The following MED14 variants were observed in gnomAD, a reference collection of about 807,000 sequenced individuals.
MED14 encodes the protein mediator of RNA polymerase II transcription subunit 14.
Under a neutral mutation model 109.0 loss-of-function variants are expected in MED14, and 8 were observed. That is an observed-to-expected ratio of 0.07 (90% CI 0.04 to 0.13). The LOEUF is 0.13. Ranked by LOEUF, MED14 falls within the 10% of genes least tolerant of loss-of-function variation. The probability of loss-of-function intolerance (pLI) is 1.00; values close to 1 mark genes in which losing one functional copy is unlikely to be tolerated. For synonymous variants in MED14, 399 were observed against 408.7 expected (o/e 0.98, Z 0.29); for missense variants, 711 against 1,142.4 (o/e 0.62, Z 5.44).
intron 1 of MED14, among the ~76,000 whole-genome samples, chrX:40,734,504 A>T (rs775884469): frequency 9.5e-4 from 107 of 112,723 alleles, no homozygotes; most frequent in Non-Finnish European, 1.6e-3. Flanking sequence ...CTGGGTTATA[A>T]GATGTACAAC....
chrX:40,677,069 G>C lies in MED14; in HGVS notation c.2881-1708C>G, dbSNP rs759428453. Among the ~76,000 whole-genome samples, 3 of 111,802 alleles carry C rather than the reference G, an allele frequency of 2.7e-5. No homozygotes were observed. The East Asian group carries it at 8.4e-4, about 31-fold the overall frequency. ...ATCCTCTGCTATTCTCACTGAGCTC[G>C]GTTATCTCTTCCACCATGGAGGAGG... On this transcript the variant is annotated intron_variant, in intron 21 of 30. Transcript: ENST00000324817.
intron 21 of MED14, among the ~76,000 whole-genome samples, chrX:40,679,374 G>A (rs1930029093): frequency 9.0e-6 from 1 of 111,183 alleles, no homozygotes; most frequent in Admixed American, 9.5e-5. Context: ...AGGTGTGGTG[G>A]TGCATGCCTA....
chrX:40,734,469 A>C (rs1434845022), intron 1 of MED14, among the ~76,000 whole-genome samples: 1 of 112,516 alleles, frequency 8.9e-6, no homozygotes, highest in Non-Finnish European at 1.9e-5. Context: ...ATAAAAAATA[A>C]AATTCTGATT....
At chrX:40,673,676 C>T (rs902899969) in intron 22 of MED14, among the ~76,000 whole-genome samples, 24 of 109,571 alleles carry the variant, frequency 2.2e-4, no homozygotes, top group African/African-American at 7.7e-4. Context: ...GAGAAACCCC[C>T]TCTCTACTAA....
intron 20 of MED14, 78 bp downstream of exon 20, chrX:40,680,680 A>G: frequency 1.1e-6 from 1 of 891,650 alleles, no homozygotes; most frequent in South Asian, 2.7e-5. Context: ...GGCCTCCCAA[A>G]GGGTTGGGAT....
At chrX:40,693,369 C>A (rs1308392199) in intron 13 of MED14, among the ~76,000 whole-genome samples, 1 of 110,974 alleles carries the variant, frequency 9.0e-6, no homozygotes, top group Non-Finnish European at 1.9e-5. Flanking sequence ...CTGTGATGTT[C>A]TTGTAATAGT....
At chrX:40,698,802 A>C (rs1163762851) in intron 12 of MED14, among the ~76,000 whole-genome samples, 4 of 112,358 alleles carry the variant, frequency 3.6e-5, no homozygotes, top group African/African-American at 1.3e-4. Context: ...AAATTCTCGC[A>C]ACATTACTGA....
intron 3 of MED14, among the ~76,000 whole-genome samples, chrX:40,721,607 C>T (rs1342551070): frequency 8.9e-6 from 1 of 112,941 alleles, no homozygotes; most frequent in Non-Finnish European, 1.9e-5. Context: ...GGCTTCGCCA[C>T]CTGCTGATCA....
rs376641752 is a variant in MED14 at position 40,682,735 on chromosome X, C to T, written c.2233G>A (p.Val745Ile). Reference protein sequence around the residue: ...STREQGPSRHVYLTYENLLSE... With the variant: ...STREQGPSRHIYLTYENLLSE... ...AACAGATTTTCATATGTCAGGTAAA[C>T]GTGCCGGGATGGTCCTACAGGATTA... is the stretch of plus-strand genomic sequence containing the variant. The change falls in exon 18 of 31, where the codon GTT becomes ATT. Residue 745 changes from valine (V) to isoleucine (I), a missense_variant. Transcript: ENST00000324817. 5 of 1,205,863 alleles carry T rather than the reference C, an allele frequency of 4.1e-6. No individual in the cohort carries two copies. Among genetic ancestry groups the T allele is most frequent in the South Asian group, 1.8e-5 (1 of 56,443 alleles).
chrX:40,654,693 T>A (rs1928994997), intron 29 of MED14, 137 bp from the exon 30 acceptor site: 1 of 722,083 alleles, frequency 1.4e-6, no homozygotes, highest in Non-Finnish European at 2.0e-6. Context: ...ACAAGAAAAG[T>A]GACAAACAAC....
Position 40,692,015 on chromosome X carries a change from T to TACATG in MED14, c.1980+163_1980+167dup, listed in dbSNP as rs748559968. Among the ~76,000 whole-genome samples, 5 of 111,553 alleles carry TACATG rather than the reference T, an allele frequency of 4.5e-5. No homozygotes were observed. In the East Asian group the frequency reaches 1.4e-3, roughly 31 times the overall value. The stretch of plus-strand genomic sequence containing the variant: ...AGATGAAATAATTCAAGTCATGTTT[T>TACATG]ACATGTATACCATTAGATGCTATGA... On this transcript the variant is annotated intron_variant, in intron 15 of 30. Transcript: ENST00000324817.
At chrX:40,722,476 C>T (rs1487000161) in intron 3 of MED14, among the ~76,000 whole-genome samples, 1 of 111,420 alleles carries the variant, frequency 9.0e-6, no homozygotes, top group Admixed American at 9.6e-5. Flanking sequence ...ATTTAGAAAA[C>T]AGCCTCAAAA....
intron 3 of MED14, 178 bp from the exon 4 acceptor site, chrX:40,714,888 G>A (rs1203239309): frequency 1.5e-5 from 6 of 389,640 alleles, no homozygotes; most frequent in African/African-American, 7.7e-5. Flanking sequence ...TAATACACTA[G>A]TATTTGATAT....
intron 10 of MED14, among the ~76,000 whole-genome samples, chrX:40,707,165 G>A (rs1931183148): frequency 9.0e-6 from 1 of 111,065 alleles, no homozygotes; most frequent in African/African-American, 3.3e-5. Context: ...ACCAGCCTGG[G>A]CAACACAGTG....
chrX:40,710,103 C>T lies in MED14; in HGVS notation c.1049G>A (p.Gly350Glu). 1 of 1,175,427 alleles carries T rather than the reference C, an allele frequency of 8.5e-7. No homozygotes were observed. The highest frequency in any genetic ancestry group is 2.4e-4 in the Middle Eastern group (1 of 4,200). The change falls in exon 9 of 31, where the codon GGA (glycine) becomes GAA (glutamate). Residue 350 changes from glycine (G) to glutamate (E), a missense_variant. Gly to Glu is a moderately conservative substitution (Grantham distance 98). Around this residue, in one of 8 missense-constraint regions of MED14, gnomAD observed 388 missense variants for 517.3 expected, o/e 0.75. Coordinates refer to ENST00000324817, the MANE Select transcript of MED14 (RefSeq NM_004229.4). The part of the protein sequence containing the change: ...WNQQVLGRKT[G>E]TASVHKVTIK... ...TGTAACTTTGTGAACAGATGCTGTT[C>T]CAGTTTTTCTCCCAAGAACCTGTTG... is the stretch of plus-strand genomic sequence containing the variant.
intron 1 of MED14, among the ~76,000 whole-genome samples, chrX:40,729,863 T>A (rs1230511555): frequency 2.7e-5 from 3 of 112,155 alleles, no homozygotes; most frequent in Non-Finnish European, 5.6e-5. Flanking sequence ...AGATGAAAAA[T>A]TTTTATTGCT....
At chrX:40,699,497 A>G (rs1038068761) in intron 12 of MED14, among the ~76,000 whole-genome samples, 1 of 112,260 alleles carries the variant, frequency 8.9e-6, no homozygotes, top group African/African-American at 3.2e-5. Flanking sequence ...GAGAAACACT[A>G]TTATAAGTGA....
chrX:40,682,002 A>T, intron 18 of MED14, 59 bp from the exon 19 acceptor site: 1 of 553,055 alleles, frequency 1.8e-6, no homozygotes, highest in Admixed American at 4.0e-5. Flanking sequence ...TTAAAATATA[A>T]ATTTGAGTAA....
At chrX:40,663,991 TGG>T (rs1929385421) in intron 25 of MED14, among the ~76,000 whole-genome samples, 1 of 110,878 alleles carries the variant, frequency 9.0e-6, no homozygotes, top group East Asian at 2.8e-4. Context: ...ATTAGAGGGT[TGG>T]TAGTTTCAGC....
Sources: allele counts gnomAD v4.1 joint callset (sites outside exome capture counted in the v4.1 genomes callset), GRCh38; gene constraint gnomAD v4.1.1; regional missense constraint gnomAD v4.1.1; transcripts MANE v1.5; gene names NCBI Gene and HGNC (gene_info 2026-07-23, HGNC 2026-07-21).